The following ZDHHC20 variants were observed in gnomAD, a reference collection of about 807,000 sequenced individuals.
ZDHHC20 encodes the protein zDHHC palmitoyltransferase 20, also known as palmitoyltransferase ZDHHC20.
Under a neutral mutation model 57.8 loss-of-function variants are expected in ZDHHC20, and 43 were observed. The ratio of observed to expected loss-of-function variants is 0.74; its 90% CI spans 0.58 to 0.96. The LOEUF (loss-of-function observed/expected upper bound fraction) is 0.96. Ranked by LOEUF, ZDHHC20 falls within the 40% of genes least tolerant of loss-of-function variation. The probability of loss-of-function intolerance (pLI) is 0.00; values close to 1 mark genes in which losing one functional copy is unlikely to be tolerated. For missense variants in ZDHHC20, 391 were observed against 441.1 expected, an observed-to-expected ratio of 0.89 and a Z score of 1.02; for synonymous variants, 157 against 153.0, an observed-to-expected ratio of 1.03 and a Z score of -0.19.
At chr13:21,431,624 G>A (rs1303541483) in intron 1 of ZDHHC20, among the ~76,000 whole-genome samples, 1 of 152,220 alleles carries the variant, frequency 6.6e-6, no homozygotes, top group East Asian at 1.9e-4. Flanking sequence ...AGTTATAGTT[G>A]CTCCACATCC....
chr13:21,412,040 G>T (rs1489263053), intron 4 of ZDHHC20, among the ~76,000 whole-genome samples: 1 of 152,232 alleles, frequency 6.6e-6, no homozygotes, highest in Non-Finnish European at 1.5e-5. Context: ...ACATGCCAAG[G>T]TGAATGATGA....
chr13:21,440,638 G>GTATA (rs1317604213), intron 1 of ZDHHC20, among the ~76,000 whole-genome samples: 1 of 110,628 alleles, frequency 9.0e-6, no homozygotes, highest in Non-Finnish European at 2.4e-5. Flanking sequence ...AAGTGTGTGT[G>GTATA]TGTGTGTGTG....
rs557661264 is a variant in ZDHHC20, at chr13:21,445,458, C to G, written c.118+13596G>C. Reference sequence around the variant, plus strand: ...CTCAGACTATATGTCAGACACACAACGGGCATACAATAAACAATAATAACA... The same window carrying G: ...CTCAGACTATATGTCAGACACACAAGGGGCATACAATAAACAATAATAACA... On this transcript the variant is annotated intron_variant, in intron 1 of 12. Transcript: ENST00000400590. Among the ~76,000 whole-genome samples, 50 of 152,248 alleles carry G rather than the reference C, an allele frequency of 3.3e-4. No homozygotes were observed. In the Middle Eastern group the frequency reaches 0.017, roughly 52 times the overall value.
chr13:21,412,904 G>A (rs887949473), intron 4 of ZDHHC20, among the ~76,000 whole-genome samples: 1 of 129,644 alleles, frequency 7.7e-6, no homozygotes, highest in African/African-American at 2.9e-5. Flanking sequence ...GGGGGTGGAA[G>A]TTGCAGTGAG....
At chr13:21,404,711 G>A (rs1048019819) in intron 4 of ZDHHC20, among the ~76,000 whole-genome samples, 1 of 148,576 alleles carries the variant, frequency 6.7e-6, no homozygotes, top group African/African-American at 2.5e-5. Flanking sequence ...CTGAGATCGC[G>A]CCACTGCACT....
intron 10 of ZDHHC20, among the ~76,000 whole-genome samples, 184 bp from the exon 11 acceptor site, chr13:21,381,733 T>C (rs1873457578): frequency 6.6e-6 from 1 of 152,152 alleles, no homozygotes; most frequent in Admixed American, 6.6e-5. Flanking sequence ...ATTAAATGGC[T>C]CTCTAGACCC....
At chr13:21,407,585 C>G (rs953931644) in intron 4 of ZDHHC20, among the ~76,000 whole-genome samples, 2 of 152,170 alleles carry the variant, frequency 1.3e-5, no homozygotes, top group Non-Finnish European at 2.9e-5. Context: ...CCTGTTCACT[C>G]TGATGATAGT....
In ZDHHC20 at chr13:21,384,394, C is replaced by T. The variant is rs150068605; in HGVS notation, c.855-1385G>A. Among the ~76,000 whole-genome samples the T allele has an allele frequency of 6.6e-3, 968 of 146,008 alleles. 6 individuals carry two copies. The highest frequency in any genetic ancestry group is 0.014 in the Middle Eastern group (4 of 280). ...GGCGGAGGTTGCAGTGAGCCAAGAT[C>T]GCACCACTGCACTTCAGCCTGAGCA... On this transcript the variant is annotated intron_variant, in intron 9 of 12. Coordinates refer to ENST00000400590, the MANE Select transcript of ZDHHC20 (RefSeq NM_001330059.2).
intron 1 of ZDHHC20, among the ~76,000 whole-genome samples, chr13:21,437,260 G>A (rs2137985377): frequency 6.6e-6 from 1 of 152,326 alleles, no homozygotes; most frequent in East Asian, 1.9e-4. Flanking sequence ...AAAAGTACAG[G>A]ACGAAGCAGC....
chr13:21,378,358 C>A (rs1260432374), intron 12 of ZDHHC20, among the ~76,000 whole-genome samples: 1 of 152,202 alleles, frequency 6.6e-6, no homozygotes, highest in East Asian at 1.9e-4. Flanking sequence ...CCTTGCCTGC[C>A]CACCTTTTTT....
At chr13:21,423,676 A>G (rs1042212230) in intron 2 of ZDHHC20, among the ~76,000 whole-genome samples, 2 of 151,104 alleles carry the variant, frequency 1.3e-5, no homozygotes, top group Non-Finnish European at 2.9e-5. Context: ...TCCATCTCAA[A>G]AAAAAAAGAA....
chr13:21,453,574 G>T (rs1884651163), intron 1 of ZDHHC20, among the ~76,000 whole-genome samples: 1 of 152,074 alleles, frequency 6.6e-6, no homozygotes, highest in South Asian at 2.1e-4. Context: ...CACATTCTGG[G>T]CTATAAAACA....
rs180984013 is a variant in ZDHHC20 at position 21,417,166 on chromosome 13, G to A, written c.250-3394C>T. On this transcript the variant is annotated intron_variant, in intron 3 of 12. Coordinates refer to ENST00000400590, the MANE Select transcript of ZDHHC20 (RefSeq NM_001330059.2). ...GTCTCAGCTTAAATACCACTTCCTC[G>A]GAGATTTATCTGACTATACTATCTA... Among the ~76,000 whole-genome samples, 280 of 151,852 alleles carry A rather than the reference G, an allele frequency of 1.8e-3. 2 individuals carry two copies. The highest frequency in any genetic ancestry group is 6.5e-3 in the African/African-American group (267 of 41,196).
rs547421128 is a variant in ZDHHC20, at chr13:21,380,403, C to T, written c.1060+1031G>A. On this transcript the variant is annotated intron_variant, in intron 11 of 12. Coordinates refer to ENST00000400590, the MANE Select transcript of ZDHHC20 (RefSeq NM_001330059.2). ...TGCTGGGATTATAGGCGTGAGCCACCGTTCCTGGCCAGTGTGCTCTTTTTT... is the reference window on the plus strand; with the variant it reads ...TGCTGGGATTATAGGCGTGAGCCACTGTTCCTGGCCAGTGTGCTCTTTTTT... Among the ~76,000 whole-genome samples the T allele has an allele frequency of 5.9e-5, 9 of 152,016 alleles. No homozygotes were observed. In the South Asian group the frequency reaches 8.3e-4, roughly 14 times the overall value.
At chr13:21,387,700 T>A (rs1874822588) in intron 8 of ZDHHC20, 66 bp from the exon 9 acceptor site, 2 of 1,062,548 alleles carry the variant, frequency 1.9e-6, no homozygotes, top group Non-Finnish European at 2.5e-6. Flanking sequence ...GGATGGAAAT[T>A]ACCAATTTTC....
intron 1 of ZDHHC20, among the ~76,000 whole-genome samples, chr13:21,434,905 C>A (rs1488649765): frequency 6.6e-6 from 1 of 152,098 alleles, no homozygotes; most frequent in Non-Finnish European, 1.5e-5. Flanking sequence ...CAATAAATAA[C>A]CTTGTGCATG....
At chr13:21,390,505 C>T (rs968708070) in intron 8 of ZDHHC20, among the ~76,000 whole-genome samples, 1 of 152,060 alleles carries the variant, frequency 6.6e-6, no homozygotes, top group East Asian at 1.9e-4. Context: ...ACAACTGACA[C>T]AAATATGGAA....
intron 1 of ZDHHC20, among the ~76,000 whole-genome samples, chr13:21,448,213 G>C (rs1352107984): frequency 1.2e-5 from 1 of 85,732 alleles, no homozygotes; most frequent in Non-Finnish European, 2.9e-5. Flanking sequence ...CCCCCCGCCC[G>C]GCCAGCTGCC....
chr13:21,414,527 A>ATTTTTTTTTTTTT (rs747307477), intron 3 of ZDHHC20, among the ~76,000 whole-genome samples: 1,159 of 107,242 alleles, frequency 0.011, 58 homozygotes, highest in South Asian at 0.019. Flanking sequence ...TGCCCGGATA[A>ATTTTTTTTTTTTT]TTTTTTTTTT....
Sources: gnomAD v4.1 joint callset for allele counts (sites outside exome capture counted in the v4.1 genomes callset) on GRCh38, gnomAD v4.1.1 for gene constraint, MANE v1.5 for transcripts, NCBI Gene and HGNC (gene_info 2026-07-23, HGNC 2026-07-21) for gene names.